The following CADM2 variants were observed in gnomAD, a reference collection of about 807,000 sequenced individuals.
CADM2 encodes the protein cell adhesion molecule 2.
In CADM2, 12 loss-of-function variants were observed where a neutral mutation model predicts 49.8. The observed-to-expected ratio is 0.24, with a 90% CI of 0.15 to 0.39. CADM2 has a LOEUF of 0.39. Among genes scored for constraint, CADM2 ranks in the 10% least tolerant of loss-of-function variants. The pLI is 1.00. For missense variants in CADM2, 378 were observed against 492.3 expected (o/e 0.77, Z 2.20); for synonymous variants, 214 against 175.4 (o/e 1.22, Z -1.74).
At chr3:84,979,902 A>C (rs2107130720) in intron 1 of CADM2, among the ~76,000 whole-genome samples, 1 of 152,304 alleles carries the variant, frequency 6.6e-6, no homozygotes, top group South Asian at 2.1e-4. Context: ...GAAGGACTTC[A>C]AATCACGAGA....
At chr3:85,278,621 A>G (rs2043416032) in intron 1 of CADM2, among the ~76,000 whole-genome samples, 1 of 151,134 alleles carries the variant, frequency 6.6e-6, no homozygotes, top group African/African-American at 2.4e-5. Flanking sequence ...TTATAAACAT[A>G]TTAAGTATTT....
intron 3 of CADM2, among the ~76,000 whole-genome samples, chr3:85,867,884 A>G (rs544427539): frequency 2.0e-5 from 3 of 152,056 alleles, no homozygotes; most frequent in Admixed American, 2.0e-4. Context: ...AGCCTCATCT[A>G]TTTCCACCTT....
At chr3:85,057,063 T>A (rs557572393) in intron 1 of CADM2, among the ~76,000 whole-genome samples, 1 of 152,254 alleles carries the variant, frequency 6.6e-6, no homozygotes, top group South Asian at 2.1e-4. Flanking sequence ...TCTCTCGAAT[T>A]CATTGTTGGC....
chr3:85,129,789 T>C (rs536643502), intron 1 of CADM2, among the ~76,000 whole-genome samples: 31 of 152,346 alleles, frequency 2.0e-4, no homozygotes, highest in Admixed American at 1.3e-3. Flanking sequence ...GGCTAGAACA[T>C]TGAAAACAAC....
At chr3:85,554,508 T>C (rs888313332) in intron 1 of CADM2, among the ~76,000 whole-genome samples, 2 of 152,162 alleles carry the variant, frequency 1.3e-5, no homozygotes, top group African/African-American at 2.4e-5. Context: ...ACGCTTAATA[T>C]GATTTGAAAG....
At chr3:85,551,161 T>C (rs2061792692) in intron 1 of CADM2, among the ~76,000 whole-genome samples, 1 of 152,096 alleles carries the variant, frequency 6.6e-6, no homozygotes, top group African/African-American at 2.4e-5. Flanking sequence ...TTTTTTATTT[T>C]TGTAGAGACG....
intron 1 of CADM2, among the ~76,000 whole-genome samples, chr3:85,370,015 T>G (rs1341397922): frequency 1.7e-4 from 26 of 151,652 alleles, no homozygotes; most frequent in Admixed American, 1.6e-3. Flanking sequence ...GAAGATATGT[T>G]TATCCAAAAG....
chr3:85,294,160 G>A (rs973067697), intron 1 of CADM2, among the ~76,000 whole-genome samples: 1 of 151,986 alleles, frequency 6.6e-6, no homozygotes, highest in African/African-American at 2.4e-5. Context: ...CAAACAGAGA[G>A]CCAAATCATG....
chr3:85,645,225 C>T (rs535910660), intron 1 of CADM2, among the ~76,000 whole-genome samples: 1 of 151,964 alleles, frequency 6.6e-6, no homozygotes, highest in East Asian at 1.9e-4. Context: ...TTCCCCATAT[C>T]ATTTAGTTGT....
At chr3:85,357,945 T>C (rs1224719877) in intron 1 of CADM2, among the ~76,000 whole-genome samples, 4 of 152,070 alleles carry the variant, frequency 2.6e-5, no homozygotes, top group Non-Finnish European at 5.9e-5. Context: ...ATCATGGCCG[T>C]AGGTGGACTC....
At chr3:85,904,252 G>A (rs1260138981) in intron 5 of CADM2, among the ~76,000 whole-genome samples, 3 of 152,160 alleles carry the variant, frequency 2.0e-5, no homozygotes, top group Non-Finnish European at 4.4e-5. Flanking sequence ...TAAAGTGAGA[G>A]CTATTGGGGT....
intron 1 of CADM2, among the ~76,000 whole-genome samples, chr3:85,038,684 T>C (rs1048364417): frequency 2.0e-5 from 3 of 152,210 alleles, no homozygotes; most frequent in Admixed American, 6.5e-5. Context: ...TATTTAAACA[T>C]TTTAAGCTGA....
At chr3:85,649,086 C>G (rs2064971694) in intron 1 of CADM2, among the ~76,000 whole-genome samples, 1 of 151,910 alleles carries the variant, frequency 6.6e-6, no homozygotes, top group South Asian at 2.1e-4. Context: ...GAAATTGAGA[C>G]CATTTTAAAT....
At chr3:85,722,684 G>C (rs868200894) in intron 1 of CADM2, among the ~76,000 whole-genome samples, 1 of 152,062 alleles carries the variant, frequency 6.6e-6, no homozygotes, top group Non-Finnish European at 1.5e-5. Flanking sequence ...TATGACCCTT[G>C]TGTTATGACA....
At chr3:85,197,932 A>G (rs916027855) in intron 1 of CADM2, among the ~76,000 whole-genome samples, 1 of 151,846 alleles carries the variant, frequency 6.6e-6, no homozygotes, top group Non-Finnish European at 1.5e-5. Flanking sequence ...TTTTGTCTTC[A>G]AGTCAGGTTG....
chr3:85,384,942 A>G (rs907205924), intron 1 of CADM2, among the ~76,000 whole-genome samples: 1 of 151,780 alleles, frequency 6.6e-6, no homozygotes, highest in African/African-American at 2.4e-5. Context: ...TTATTTATTT[A>G]TTTATTTTCT....
At chr3:85,575,620 A>G (rs1296757322) in intron 1 of CADM2, among the ~76,000 whole-genome samples, 5 of 152,188 alleles carry the variant, frequency 3.3e-5, no homozygotes, top group African/African-American at 7.2e-5. Context: ...ATCTAACAGT[A>G]TGCTAAATTT....
intron 1 of CADM2, among the ~76,000 whole-genome samples, chr3:85,393,943 A>G (rs1457021023): frequency 6.6e-6 from 1 of 152,086 alleles, no homozygotes; most frequent in African/African-American, 2.4e-5. Context: ...AGTAGCTGGG[A>G]CTACAGGCGC....
At chr3:85,134,177 G>C (rs2039338527) in intron 1 of CADM2, among the ~76,000 whole-genome samples, 1 of 152,196 alleles carries the variant, frequency 6.6e-6, no homozygotes, top group Non-Finnish European at 1.5e-5. Context: ...CCAAGCCCAC[G>C]CCCACCCGGA....
Sources: allele counts gnomAD v4.1 joint callset (sites outside exome capture counted in the v4.1 genomes callset), GRCh38; gene constraint gnomAD v4.1.1; transcripts MANE v1.5; gene names NCBI Gene and HGNC (gene_info 2026-07-23, HGNC 2026-07-21).